Variants in CIITA observed in about 807,000 individuals in gnomAD.
CIITA encodes class II major histocompatibility complex transactivator.
CIITA carries 72 observed loss-of-function variants against 115.1 expected under a neutral mutation model. The ratio of observed to expected loss-of-function variants is 0.63; its 90% CI spans 0.52 to 0.76. The LOEUF (loss-of-function observed/expected upper bound fraction) is 0.76. Ranked by LOEUF, CIITA falls within the 30% of genes least tolerant of loss-of-function variation. CIITA has a pLI of 0.00. For synonymous variants in CIITA, 763 were observed against 635.6 expected, an observed-to-expected ratio of 1.20 and a Z score of -3.02; for missense variants, 1,617 against 1,463.8, an observed-to-expected ratio of 1.10 and a Z score of -1.71.
At position 10,927,551 on chromosome 16, in the gene CIITA, C is replaced by A. The variant is rs890176785; in HGVS notation, c.*3696C>A. On this transcript the variant is annotated 3_prime_UTR_variant, in exon 20 of 20. Transcript: ENST00000324288. ...TATATTTTAGCAAATTAAAAAAACT[C>A]TTTGGACAGGGCTGCCAGGTGAGGT... The A allele has an allele frequency of 2.0e-5, 3 of 152,198 alleles. No individual in the cohort carries two copies. Among genetic ancestry groups the A allele is most frequent in the Non-Finnish European group, 4.4e-5 (3 of 68,044 alleles). 9.4% of individuals were successfully genotyped at this position (152,198 alleles called of 1,614,324 possible). A position where few individuals can be genotyped will look rare whatever the true frequency, so the allele number is the denominator to read the frequency against.
chr16:10,933,355 C>T lies in CIITA; in HGVS notation c.*9500C>T, dbSNP rs1354008596. ...AGATGGCCCTGGCGTTTTACGCGCA[C>T]TGGTGGGTGAGGCTCTGAAAGTGGT... On this transcript the variant is annotated 3_prime_UTR_variant, in exon 20 of 20. Transcript: ENST00000324288. 1 of 152,366 alleles carries T rather than the reference C, an allele frequency of 6.6e-6. No homozygotes were observed. The highest frequency in any genetic ancestry group is 2.4e-5 in the African/African-American group (1 of 41,466). 9.4% of individuals were successfully genotyped at this position (152,366 alleles called of 1,614,324 possible). A position where few individuals can be genotyped will look rare whatever the true frequency, so the allele number is the denominator to read the frequency against.
intron 13 of CIITA, chr16:10,913,550 G>A (rs62028122): frequency 0.69 from 105,686 of 152,084 alleles, 37,585 homozygotes; most frequent in South Asian, 0.78. Flanking sequence ...TTCTGACCTC[G>A]TGATCCCCCC....
At chr16:10,888,115 G>C (rs1260346569) in intron 1 of CIITA, among the ~76,000 whole-genome samples, 1 of 152,086 alleles carries the variant, frequency 6.6e-6, no homozygotes, top group Non-Finnish European at 1.5e-5. Context: ...TAATAAAAAT[G>C]GTCATCACGC....
intron 1 of CIITA, among the ~76,000 whole-genome samples, chr16:10,885,501 G>A (rs970264087): frequency 4.6e-5 from 7 of 152,042 alleles, no homozygotes; most frequent in African/African-American, 1.2e-4. Flanking sequence ...TGACCTCCTC[G>A]TGCCACTCCA....
chr16:10,874,365 G>A (rs148734081), upstream of CIITA, among the ~76,000 whole-genome samples: 206 of 152,206 alleles, frequency 1.4e-3, 1 homozygote, highest in Non-Finnish European at 9.7e-4. Context: ...ATTCCTCCTC[G>A]TGCTCTTTGC....
intron 7 of CIITA, 125 bp downstream of exon 7, chr16:10,902,309 A>G: frequency 7.3e-7 from 1 of 1,366,534 alleles, no homozygotes; most frequent in Non-Finnish European, 1.0e-6. Flanking sequence ...AGTGTCACTC[A>G]CCTCTGCCCC....
At chr16:10,895,826 G>A (rs1483327175) in intron 3 of CIITA, 62 bp downstream of exon 3, 1 of 1,504,856 alleles carries the variant, frequency 6.6e-7, no homozygotes. Flanking sequence ...GCTGCCACTT[G>A]TCAATATCAC....
chr16:10,925,676 C>T lies in CIITA; in HGVS notation c.*1821C>T, dbSNP rs540194079. 32 of 152,470 alleles carry T rather than the reference C, an allele frequency of 2.1e-4. No individual in the cohort carries two copies. The highest frequency in any genetic ancestry group is 7.2e-4 in the African/African-American group (30 of 41,596). The allele number at this position is 152,470 out of a possible 1,614,324, so 9.4% of individuals were successfully genotyped here. ...TACTGTCCTACCCACCCTCCTTTCA[C>T]CACATGTGCACATGCACGTGTGTGC... On this transcript the variant is annotated 3_prime_UTR_variant, in exon 20 of 20. Transcript: ENST00000324288.
At chr16:10,880,388 C>G (rs1368993020) in intron 1 of CIITA, among the ~76,000 whole-genome samples, 1 of 152,208 alleles carries the variant, frequency 6.6e-6, no homozygotes, top group African/African-American at 2.4e-5. Flanking sequence ...TCCCTCAAGT[C>G]AGAGACACTG....
chr16:10,886,822 C>G (rs778042597), intron 1 of CIITA, among the ~76,000 whole-genome samples: 1 of 152,234 alleles, frequency 6.6e-6, no homozygotes, highest in African/African-American at 2.4e-5. Context: ...CAAAGTCACA[C>G]AGCAAGTGTG....
chr16:10,931,108 T>G lies in CIITA; in HGVS notation c.*7253T>G, dbSNP rs1469159620. On this transcript the variant is annotated 3_prime_UTR_variant, in exon 20 of 20. Coordinates refer to ENST00000324288, the MANE Select transcript of CIITA (RefSeq NM_000246.4). Reference sequence around the variant, plus strand: ...GGGAGGCTGGGGTGGGAGGATCACTTGAGGCCAGGAGTTTGAGACCAGCCT... The same window carrying G: ...GGGAGGCTGGGGTGGGAGGATCACTGGAGGCCAGGAGTTTGAGACCAGCCT... The G allele has an allele frequency of 6.6e-6, 1 of 152,428 alleles. No individual in the cohort carries two copies. The highest frequency in any genetic ancestry group is 1.5e-5 in the Non-Finnish European group (1 of 68,482). 9.4% of individuals were successfully genotyped at this position (152,428 alleles called of 1,614,324 possible). A position where few individuals can be genotyped will look rare whatever the true frequency, so the allele number is the denominator to read the frequency against.
Position 10,903,812 on chromosome 16 carries a change from G to C in CIITA, c.854G>C (p.Gly285Ala), listed in dbSNP as rs752824545. 1.2e-6 allele frequency: 2 copies of C among 1,614,050 alleles called. No homozygotes were observed. Among genetic ancestry groups the C allele is most frequent in the East Asian group, 4.5e-5 (2 of 44,894 alleles). Reference sequence around the variant, plus strand: ...CTCCCAACATCTCCAGACCGGCCAGGCTCCACCAGCCCCTTCGCTCCATCA... The same window carrying C: ...CTCCCAACATCTCCAGACCGGCCAGCCTCCACCAGCCCCTTCGCTCCATCA... ...HGLPTSPDRP[G>A]STSPFAPSAT... The change falls in exon 9 of 20, where the codon GGC (glycine) becomes GCC (alanine). Residue 285 changes from glycine to alanine, a missense_variant. Gly to Ala is a moderately conservative substitution (Grantham distance 60, BLOSUM62 0). Coordinates refer to ENST00000324288, the MANE Select transcript of CIITA (RefSeq NM_000246.4).
chr16:10,883,599 G>A (rs1395060928), intron 1 of CIITA, among the ~76,000 whole-genome samples: 1 of 152,212 alleles, frequency 6.6e-6, no homozygotes, highest in East Asian at 1.9e-4. Context: ...AACTTTCAGA[G>A]GGGGCATCTG....
rs1470723764 is a variant in CIITA, at chr16:10,879,220, G to A, written c.52+1838G>A. On this transcript the variant is annotated intron_variant, in intron 1 of 19. Transcript: ENST00000324288. This position sits in a 1 kb window ranked among gnomAD's most constrained non-coding sequence, Gnocchi z 4.3. ...CAGCATCCCCGCAACGACTCTGCGC[G>A]GGAACCAGGAGCCGGGAACCCGGAG... is the stretch of plus-strand genomic sequence containing the variant. Among the ~76,000 whole-genome samples the A allele has an allele frequency of 6.6e-6, 1 of 152,174 alleles. No individual in the cohort carries two copies. Among genetic ancestry groups the A allele is most frequent in the African/African-American group, 2.4e-5 (1 of 41,432 alleles).
rs74245511 is a variant in CIITA at position 10,926,816 on chromosome 16, G to A, written c.*2961G>A. 180 of 152,320 alleles carry A rather than the reference G, an allele frequency of 1.2e-3. No homozygotes were observed. The highest frequency in any genetic ancestry group is 6.8e-3 in the Middle Eastern group (2 of 294). 9.4% of individuals were successfully genotyped at this position (152,320 alleles called of 1,614,324 possible). On this transcript the variant is annotated 3_prime_UTR_variant, in exon 20 of 20. Transcript: ENST00000324288. ...ATTACAGGGGTGAGCCACCGCACCC[G>A]GCCACTACTGTTTATTTAATGAGCA...
rs1038552909 is a variant in CIITA at position 10,920,282 on chromosome 16, T to G, written c.3149+1756T>G. Among the ~76,000 whole-genome samples the G allele has an allele frequency of 5.3e-5, 8 of 152,236 alleles. No individual in the cohort carries two copies. Among genetic ancestry groups the G allele is most frequent in the African/African-American group, 1.9e-4 (8 of 41,460 alleles). On this transcript the variant is annotated intron_variant, in intron 16 of 19. Transcript: ENST00000324288. This position sits in a 1 kb window ranked among gnomAD's most constrained non-coding sequence, Gnocchi z 4.5. ...TTTCTTTTTGAGACCAAGTCTCACT[T>G]TATTGCCCAGGCTAAGGTGCAGTGG...
chr16:10,929,519 G>A lies in CIITA; in HGVS notation c.*5664G>A. On this transcript the variant is annotated 3_prime_UTR_variant, in exon 20 of 20. Coordinates refer to ENST00000324288, the MANE Select transcript of CIITA (RefSeq NM_000246.4). The surrounding 1 kb of genome is among the most constrained non-coding windows in gnomAD (Gnocchi z 4.3). ...TCTTCCACTCTCCTGGGTTCAAACA[G>A]GAACCTCTCTGTTGGCACGAAGCTT... 1 of 985,578 alleles carries A rather than the reference G, an allele frequency of 1.0e-6. No homozygotes were observed. The highest frequency in any genetic ancestry group is 1.1e-4 in the East Asian group (1 of 8,820). 61.1% of individuals were successfully genotyped at this position (985,578 alleles called of 1,614,324 possible). A position where few individuals can be genotyped will look rare whatever the true frequency, so the allele number is the denominator to read the frequency against.
intron 9 of CIITA, 139 bp downstream of exon 9, chr16:10,904,034 G>T: frequency 9.0e-7 from 1 of 1,108,584 alleles, no homozygotes. Context: ...GGGACAGGGA[G>T]GGTCTCCAGG....
rs776868916 is a variant in CIITA at position 10,922,253 on chromosome 16, G to C, written c.3233+3G>C. 6.2e-7 allele frequency: 1 copy of C among 1,614,180 alleles called. No individual in the cohort carries two copies. Among genetic ancestry groups the C allele is most frequent in the Non-Finnish European group, 8.5e-7 (1 of 1,179,960 alleles). ...ATGGTGTCCCTCCGGGTGATGGAGT[G>C]AGTGTGGGAGTCTGGGCGGTGGGTG... On this transcript the variant is annotated splice_donor_region_variant and intron_variant, in intron 17 of 19. Coordinates refer to ENST00000324288, the MANE Select transcript of CIITA (RefSeq NM_000246.4).
Sources: gnomAD v4.1 joint callset for allele counts (sites outside exome capture counted in the v4.1 genomes callset) on GRCh38, gnomAD v4.1.1 for gene constraint, Gnocchi (gnomAD v3.1) non-coding constraint, MANE v1.5 for transcripts, NCBI Gene and HGNC (gene_info 2026-07-23, HGNC 2026-07-21) for gene names.